MYO3A: variants seen among roughly 807,000 people sequenced by gnomAD.
MYO3A encodes the protein myosin IIIA, also known as myosin-IIIa.
A neutral mutation model predicts 192.7 loss-of-function variants in MYO3A; 180 were observed. That is an observed-to-expected ratio of 0.93 (90% CI 0.83 to 1.06). The LOEUF (loss-of-function observed/expected upper bound fraction) is 1.06, where lower values mean the gene tolerates loss of function less well. Among genes scored for constraint, MYO3A ranks in the 50% least tolerant of loss-of-function variants. The pLI is 0.00. For missense variants in MYO3A, 1,896 were observed against 1,905.0 expected, an observed-to-expected ratio of 1.00 and a Z score of 0.09; for synonymous variants, 628 against 645.3, an observed-to-expected ratio of 0.97 and a Z score of 0.41.
chr10:25,947,060 T>G lies in MYO3A; in HGVS notation c.-17-5034T>G, dbSNP rs1001998572. 4.6e-5 allele frequency among the ~76,000 whole-genome samples: 7 copies of G among 152,096 alleles called. No individual in the cohort carries two copies. The East Asian group carries it at 5.8e-4, about 13-fold the overall frequency. ...TGAACTCTCATAATGTATATATTGG[T>G]CTTGTTGGTGGCGTTCTATATATCC... is the stretch of plus-strand genomic sequence containing the variant. On this transcript the variant is annotated intron_variant, in intron 2 of 34. Coordinates refer to ENST00000642920, the MANE Select transcript of MYO3A (RefSeq NM_017433.5).
At chr10:25,986,755 T>C (rs112893309) in intron 4 of MYO3A, among the ~76,000 whole-genome samples, 122 of 152,230 alleles carry the variant, frequency 8.0e-4, no homozygotes, top group African/African-American at 2.9e-3. Context: ...CATGGATATG[T>C]AGAATCAATA....
chr10:26,076,572 G>T (rs1835588387), intron 14 of MYO3A, among the ~76,000 whole-genome samples: 1 of 151,974 alleles, frequency 6.6e-6, no homozygotes, highest in South Asian at 2.1e-4. Flanking sequence ...TGAAATCCTT[G>T]CCTATGCCAA....
In MYO3A at chr10:26,008,129, G is replaced by T. The variant is rs1406448455; in HGVS notation, c.509-8691G>T. 2.0e-5 allele frequency among the ~76,000 whole-genome samples: 3 copies of T among 148,250 alleles called. 1 individual carries two copies. Among genetic ancestry groups the T allele is most frequent in the African/African-American group, 5.2e-5 (2 of 38,272 alleles). Reference sequence around the variant, plus strand: ...ACAAACCTGAGAAAAACAAGCAATGGGGAAAGGATTCCCTATTTAATAAAT... The same window carrying T: ...ACAAACCTGAGAAAAACAAGCAATGTGGAAAGGATTCCCTATTTAATAAAT... On this transcript the variant is annotated intron_variant, in intron 6 of 34. Coordinates refer to ENST00000642920, the MANE Select transcript of MYO3A (RefSeq NM_017433.5).
At chr10:26,026,303 T>G in intron 9 of MYO3A, 74 bp from the exon 10 acceptor site, 1 of 1,548,126 alleles carries the variant, frequency 6.5e-7, no homozygotes, top group Non-Finnish European at 8.9e-7. Flanking sequence ...GTTAGATTAA[T>G]TTTTAGGAAT....
chr10:26,191,311 C>T (rs1461936403), intron 31 of MYO3A, among the ~76,000 whole-genome samples: 1 of 152,158 alleles, frequency 6.6e-6, no homozygotes, highest in East Asian at 1.9e-4. Flanking sequence ...TCAGGCCTTA[C>T]CATCTTTCCT....
intron 4 of MYO3A, among the ~76,000 whole-genome samples, chr10:25,964,026 C>T (rs1329253887): frequency 1.3e-5 from 2 of 152,074 alleles, no homozygotes; most frequent in East Asian, 3.8e-4. Context: ...TTTTATTGTA[C>T]ACATTAAAAT....
chr10:26,017,270 T>C (rs2131049922), intron 7 of MYO3A, among the ~76,000 whole-genome samples: 1 of 152,330 alleles, frequency 6.6e-6, no homozygotes, highest in East Asian at 1.9e-4. Flanking sequence ...TGGGATCAGA[T>C]TCAGGTCCAT....
chr10:26,212,174 C>G lies in MYO3A; in HGVS notation c.*211C>G, dbSNP rs1034959665. 7.6e-6 allele frequency: 5 copies of G among 658,896 alleles called. No individual in the cohort carries two copies. The highest frequency in any genetic ancestry group is 2.8e-5 in the East Asian group (1 of 35,406). The allele number at this position is 658,896 out of a possible 1,614,324, so 40.8% of individuals were successfully genotyped here. On this transcript the variant is annotated 3_prime_UTR_variant, in exon 35 of 35. Transcript: ENST00000642920. ...CTGGGAGCCCTCGGGAAACCTCCCC[C>G]GACGCTCTCTCTCGGAACTCCCGCA... is the stretch of plus-strand genomic sequence containing the variant.
At chr10:26,160,739 G>A (rs1841447555) in intron 26 of MYO3A, among the ~76,000 whole-genome samples, 1 of 152,184 alleles carries the variant, frequency 6.6e-6, no homozygotes, top group South Asian at 2.1e-4. Flanking sequence ...TTTTCTTGGT[G>A]TACAGGTTGG....
intron 20 of MYO3A, among the ~76,000 whole-genome samples, chr10:26,136,023 T>C (rs942888662): frequency 1.3e-5 from 2 of 150,732 alleles, no homozygotes; most frequent in Non-Finnish European, 3.0e-5. Flanking sequence ...AAATTCTACC[T>C]TCCCCGGCCC....
At chr10:26,155,304 C>T (rs1589048002) in intron 25 of MYO3A, among the ~76,000 whole-genome samples, 1 of 152,106 alleles carries the variant, frequency 6.6e-6, no homozygotes, top group Non-Finnish European at 1.5e-5. Context: ...CAGGAAGATG[C>T]GGTAACGTGC....
chr10:26,162,356 G>A (rs1365443954), intron 26 of MYO3A, among the ~76,000 whole-genome samples: 1 of 152,172 alleles, frequency 6.6e-6, no homozygotes, highest in African/African-American at 2.4e-5. Context: ...CAACATCAAT[G>A]TAAGTTTGTT....
intron 20 of MYO3A, among the ~76,000 whole-genome samples, chr10:26,135,063 A>G (rs1839767241): frequency 6.6e-6 from 1 of 152,192 alleles, no homozygotes; most frequent in African/African-American, 2.4e-5. Context: ...TAAATAGGTT[A>G]TCTATATTTC....
At chr10:26,127,392 A>G (rs1839279889) in intron 19 of MYO3A, among the ~76,000 whole-genome samples, 1 of 152,230 alleles carries the variant, frequency 6.6e-6, no homozygotes, top group Non-Finnish European at 1.5e-5. Flanking sequence ...CTAAACCAGC[A>G]TAAGTTTTAA....
intron 14 of MYO3A, among the ~76,000 whole-genome samples, chr10:26,071,815 C>T (rs534751281): frequency 4.6e-5 from 7 of 152,252 alleles, no homozygotes; most frequent in Non-Finnish European, 1.0e-4. Flanking sequence ...CAAGAAAACA[C>T]TATTACAAAA....
At chr10:26,031,522 T>C (rs1322731412) in intron 10 of MYO3A, among the ~76,000 whole-genome samples, 3 of 152,352 alleles carry the variant, frequency 2.0e-5, no homozygotes, top group Non-Finnish European at 2.9e-5. Flanking sequence ...TGAAAGACAC[T>C]TGGTCTCAGC....
chr10:26,056,211 A>C (rs187196525), intron 10 of MYO3A, among the ~76,000 whole-genome samples: 1 of 152,318 alleles, frequency 6.6e-6, no homozygotes, highest in Non-Finnish European at 1.5e-5. Flanking sequence ...AACAACCTTA[A>C]TGGGCTCATT....
chr10:26,142,269 A>G (rs554101513), intron 20 of MYO3A, among the ~76,000 whole-genome samples: 1 of 152,360 alleles, frequency 6.6e-6, no homozygotes, highest in Non-Finnish European at 1.5e-5. Flanking sequence ...ATGGTTGCTT[A>G]TCACCTGAGA....
chr10:26,165,916 C>T (rs372510560), intron 26 of MYO3A, 151 bp from the exon 27 acceptor site: 14 of 760,020 alleles, frequency 1.8e-5, no homozygotes, highest in Non-Finnish European at 3.3e-5. Context: ...TGGTCTACTC[C>T]GAAGTTGTTC....
Sources: gnomAD v4.1 joint callset for allele counts (sites outside exome capture counted in the v4.1 genomes callset) on GRCh38, gnomAD v4.1.1 for gene constraint, MANE v1.5 for transcripts, NCBI Gene and HGNC (gene_info 2026-07-23, HGNC 2026-07-21) for gene names.